Variants in ATRN observed in about 807,000 individuals in gnomAD.
The protein encoded by ATRN is attractin-2.
A neutral mutation model predicts 178.7 loss-of-function variants in ATRN; 54 were observed. That is an observed-to-expected ratio of 0.30 (90% CI 0.24 to 0.38). The LOEUF (loss-of-function observed/expected upper bound fraction) is 0.38. ATRN is among the 10% of genes least tolerant of loss of function. The probability of loss-of-function intolerance (pLI) is 1.00; values close to 1 mark genes in which losing one functional copy is unlikely to be tolerated. For synonymous variants in ATRN, 636 were observed against 663.0 expected (o/e 0.96, Z 0.63); for missense variants, 1,443 against 1,815.1 (o/e 0.79, Z 3.73).
At chr20:3,602,437 T>C (rs555607745) in intron 23 of ATRN, among the ~76,000 whole-genome samples, 26 of 152,314 alleles carry the variant, frequency 1.7e-4, no homozygotes, top group African/African-American at 6.3e-4. Flanking sequence ...AAATGGTAAC[T>C]ATATTTTATC....
rs927146100 is a variant in ATRN at position 3,632,609 on chromosome 20, G to C, written c.3864-1702G>C. On this transcript the variant is annotated intron_variant, in intron 25 of 28. Transcript: ENST00000262919. This position sits in a 1 kb window ranked among gnomAD's most constrained non-coding sequence, Gnocchi z 4.2. ...AAATGTCACCTTCTGAGAAAGAAAG[G>C]CCCACACACTCTGACCATCCTGCTG... is the stretch of plus-strand genomic sequence containing the variant. 6.6e-6 allele frequency among the ~76,000 whole-genome samples: 1 copy of C among 152,294 alleles called. No homozygotes were observed. The highest frequency in any genetic ancestry group is 1.9e-4 in the East Asian group (1 of 5,186).
chr20:3,554,040 G>A (rs1020701994), intron 6 of ATRN, among the ~76,000 whole-genome samples: 28 of 152,240 alleles, frequency 1.8e-4, no homozygotes, highest in African/African-American at 6.5e-4. Context: ...TCAGATAAAC[G>A]GGGGAGTAAA....
rs191836218 is a variant in ATRN, at chr20:3,638,607, A to C, written c.3943-221A>C. On this transcript the variant is annotated intron_variant, in intron 26 of 28. Transcript: ENST00000262919. The surrounding 1 kb of genome is among the most constrained non-coding windows in gnomAD (Gnocchi z 4.5). ...CAATAAACATCGTACGTTAATATGT[A>C]TCTCTGACAGGGGCTTTTAAAAAAT... 8.3e-4 allele frequency among the ~76,000 whole-genome samples: 127 copies of C among 152,338 alleles called. No homozygotes were observed. Among genetic ancestry groups the C allele is most frequent in the Non-Finnish European group, 1.7e-3 (118 of 68,030 alleles).
At chr20:3,534,190 T>C (rs572483445) in intron 1 of ATRN, among the ~76,000 whole-genome samples, 7 of 152,112 alleles carry the variant, frequency 4.6e-5, no homozygotes, top group African/African-American at 1.4e-4. Flanking sequence ...TGTGAGAAAA[T>C]GAAATGTGTG....
intron 24 of ATRN, among the ~76,000 whole-genome samples, chr20:3,614,022 G>A (rs1238969146): frequency 1.3e-5 from 2 of 152,094 alleles, no homozygotes; most frequent in South Asian, 2.1e-4. Context: ...TCCATAATTA[G>A]GAACAGATCA....
chr20:3,549,388 A>C, intron 6 of ATRN, 50 bp downstream of exon 6: 1 of 1,424,902 alleles, frequency 7.0e-7, no homozygotes, highest in Non-Finnish European at 9.3e-7. Context: ...TTATTTTGAA[A>C]ATTTATAAAG....
intron 1 of ATRN, among the ~76,000 whole-genome samples, chr20:3,494,702 T>G (rs2084854398): frequency 6.6e-6 from 1 of 152,202 alleles, no homozygotes; most frequent in Non-Finnish European, 1.5e-5. Flanking sequence ...ATTTTTGATA[T>G]AGGGAATATA....
chr20:3,608,730 GC>G (rs1228576961), intron 24 of ATRN, among the ~76,000 whole-genome samples: 3 of 152,114 alleles, frequency 2.0e-5, no homozygotes, highest in African/African-American at 7.2e-5. Context: ...ACTTTGGGAG[GC>G]CGAGGCTGGT....
chr20:3,565,643 G>A (rs1020090971), intron 11 of ATRN, among the ~76,000 whole-genome samples: 1 of 151,884 alleles, frequency 6.6e-6, no homozygotes, highest in Non-Finnish European at 1.5e-5. Context: ...GTGCGTGCCT[G>A]TAATCCCCCC....
In ATRN at chr20:3,532,687, G is replaced by C. The variant is rs188326818; in HGVS notation, c.411-2566G>C. Among the ~76,000 whole-genome samples the C allele has an allele frequency of 3.3e-3, 496 of 152,242 alleles. 10 individuals carry two copies. Among genetic ancestry groups the C allele is most frequent in the Admixed American group, 0.027 (406 of 15,288 alleles). On this transcript the variant is annotated intron_variant, in intron 1 of 28. Coordinates refer to ENST00000262919, the MANE Select transcript of ATRN (RefSeq NM_139321.3). ...AGGAAGAAGTTGAGCTCCAATGCAGGCCTGACAAAGGGGAACTGTGGGGGC... is the reference window on the plus strand; with the variant it reads ...AGGAAGAAGTTGAGCTCCAATGCAGCCCTGACAAAGGGGAACTGTGGGGGC...
chr20:3,526,323 C>T (rs189613866), intron 1 of ATRN, among the ~76,000 whole-genome samples: 22 of 152,162 alleles, frequency 1.4e-4, no homozygotes, highest in African/African-American at 5.1e-4. Flanking sequence ...AGCCAAATAA[C>T]GAGTGAACTC....
intron 16 of ATRN, 119 bp from the exon 17 acceptor site, chr20:3,583,779 G>T (rs2086312794): frequency 1.9e-6 from 2 of 1,060,338 alleles, no homozygotes; most frequent in African/African-American, 1.6e-5. Flanking sequence ...CTGCACTCTA[G>T]CCTGGAGACA....
chr20:3,600,014 G>A (rs1378353962), intron 22 of ATRN, among the ~76,000 whole-genome samples: 4 of 152,150 alleles, frequency 2.6e-5, no homozygotes, highest in African/African-American at 7.2e-5. Context: ...AACCTCTCAA[G>A]ATCTTTTAAA....
At chr20:3,621,088 T>G (rs1285417513) in intron 24 of ATRN, among the ~76,000 whole-genome samples, 1 of 152,124 alleles carries the variant, frequency 6.6e-6, no homozygotes, top group Non-Finnish European at 1.5e-5. Context: ...GCCAAAAGAT[T>G]GGACACCCCT....
intron 26 of ATRN, among the ~76,000 whole-genome samples, chr20:3,637,358 C>T (rs2087033184): frequency 6.6e-6 from 1 of 152,212 alleles, no homozygotes; most frequent in Non-Finnish European, 1.5e-5. Context: ...CATGTTGCCT[C>T]CTGAACCCTG....
intron 1 of ATRN, among the ~76,000 whole-genome samples, chr20:3,486,774 G>T (rs1437365882): frequency 6.6e-6 from 1 of 151,956 alleles, no homozygotes; most frequent in East Asian, 1.9e-4. Context: ...TTGTATTAAC[G>T]TAGTATTACT....
Position 3,641,359 on chromosome 20 carries a change from G to A in ATRN, c.4050+2424G>A, listed in dbSNP as rs182363348. On this transcript the variant is annotated intron_variant, in intron 27 of 28. Coordinates refer to ENST00000262919, the MANE Select transcript of ATRN (RefSeq NM_139321.3). ...TAATCCGAGCACTTTGGGAGGCCGA[G>A]GCGGGCGGATCACTTGAGGTCAGGA... Among the ~76,000 whole-genome samples, 123 of 152,148 alleles carry A rather than the reference G, an allele frequency of 8.1e-4. 1 individual carries two copies. In the East Asian group the frequency reaches 0.023, roughly 28 times the overall value.
At chr20:3,478,681 T>C (rs1432197936) in intron 1 of ATRN, among the ~76,000 whole-genome samples, 1 of 152,200 alleles carries the variant, frequency 6.6e-6, no homozygotes, top group Non-Finnish European at 1.5e-5. Flanking sequence ...ACTTAAAGTG[T>C]AATAAAAAAC....
At chr20:3,576,687 G>GTCTATCTATCTA (rs1163234122) in intron 13 of ATRN, among the ~76,000 whole-genome samples, 172 bp from the exon 14 acceptor site, 49 of 87,868 alleles carry the variant, frequency 5.6e-4, no homozygotes, top group African/African-American at 1.8e-3. Context: ...CTATCTGTCT[G>GTCTATCTATCTA]TCTGTCTGTC....
Sources: gnomAD v4.1 joint callset for allele counts (sites outside exome capture counted in the v4.1 genomes callset) on GRCh38, gnomAD v4.1.1 for gene constraint, Gnocchi (gnomAD v3.1) non-coding constraint, MANE v1.5 for transcripts, NCBI Gene and HGNC (gene_info 2026-07-23, HGNC 2026-07-21) for gene names.